The following FAM227A variants were observed in gnomAD, a reference collection of about 807,000 sequenced individuals.
FAM227A encodes protein FAM227A.
A neutral mutation model predicts 74.7 loss-of-function variants in FAM227A; 80 were observed. The ratio of observed to expected loss-of-function variants is 1.07; its 90% CI spans 0.89 to 1.29. The LOEUF is 1.29. FAM227A is among the 50% of genes most tolerant of loss of function. The probability of loss-of-function intolerance (pLI) is 0.00; values close to 1 mark genes in which losing one functional copy is unlikely to be tolerated. For missense variants in FAM227A, 654 were observed against 683.4 expected (o/e 0.96, Z 0.48); for synonymous variants, 237 against 241.8 (o/e 0.98, Z 0.19).
intron 11 of FAM227A, among the ~76,000 whole-genome samples, chr22:38,613,676 T>A (rs1441707559): frequency 1.3e-5 from 2 of 151,620 alleles, no homozygotes; most frequent in African/African-American, 4.9e-5. Context: ...TCTCCAGCTG[T>A]GTTTCTCTAG....
intron 5 of FAM227A, among the ~76,000 whole-genome samples, chr22:38,636,908 T>C (rs1250854812): frequency 1.3e-5 from 2 of 151,760 alleles, no homozygotes; most frequent in Admixed American, 6.6e-5. Context: ...GTAGCTGGGA[T>C]TACAGGTGCC....
intron 8 of FAM227A, among the ~76,000 whole-genome samples, chr22:38,626,602 G>T (rs924429787): frequency 6.6e-6 from 1 of 151,470 alleles, no homozygotes; most frequent in African/African-American, 2.4e-5. Context: ...GGTGGCTCAC[G>T]CCTGTAATCA....
At chr22:38,645,788 T>C in intron 2 of FAM227A, 143 bp from the exon 3 acceptor site, 1 of 594,638 alleles carries the variant, frequency 1.7e-6, no homozygotes, top group Non-Finnish European at 2.9e-6. Flanking sequence ...TTCACATTTC[T>C]TTCTTCCTTT....
intron 3 of FAM227A, among the ~76,000 whole-genome samples, chr22:38,645,049 T>C (rs1173217209): frequency 6.8e-6 from 1 of 146,840 alleles, no homozygotes; most frequent in African/African-American, 2.5e-5. Context: ...ATCGCACCAC[T>C]GCACTCCAGT....
At position 38,582,852 on chromosome 22, in the gene FAM227A, T is replaced by C. The variant is rs1569180512; in HGVS notation, c.*3273A>G. On this transcript the variant is annotated 3_prime_UTR_variant, in exon 17 of 17. Transcript: ENST00000535113. Reference sequence around the variant, plus strand: ...GTTGGAGCATAATGCAGTGGAGCACTTGTGCCTACCTTGCTCCTGGTATAT... The same window carrying C: ...GTTGGAGCATAATGCAGTGGAGCACCTGTGCCTACCTTGCTCCTGGTATAT... The C allele has an allele frequency of 6.5e-7, 1 of 1,550,362 alleles. No individual in the cohort carries two copies. The highest frequency in any genetic ancestry group is 8.7e-7 in the Non-Finnish European group (1 of 1,146,956).
At position 38,582,914 on chromosome 22, in the gene FAM227A, G is replaced by A; in HGVS notation, c.*3211C>T. On this transcript the variant is annotated 3_prime_UTR_variant, in exon 17 of 17. Transcript: ENST00000535113. ...CCCAAGATGAGGGACGTCTAAGCGG[G>A]GTCCTGGAGGAAGAGCAGGAATTAG... The A allele has an allele frequency of 6.4e-7, 1 of 1,550,496 alleles. No individual in the cohort carries two copies. The highest frequency in any genetic ancestry group is 8.7e-7 in the Non-Finnish European group (1 of 1,146,980).
At chr22:38,601,786 A>G (rs2091184204) in intron 13 of FAM227A, among the ~76,000 whole-genome samples, 1 of 152,118 alleles carries the variant, frequency 6.6e-6, no homozygotes, top group African/African-American at 2.4e-5. Context: ...GGTGTGAGAA[A>G]GAGAAGAGTC....
At chr22:38,600,734 G>C (rs752412419) in intron 13 of FAM227A, among the ~76,000 whole-genome samples, 2 of 151,824 alleles carry the variant, frequency 1.3e-5, no homozygotes, top group African/African-American at 4.8e-5. Flanking sequence ...GAAGCAGATC[G>C]CAAGATCAAG....
At chr22:38,605,505 G>T (rs1384833005) in intron 12 of FAM227A, among the ~76,000 whole-genome samples, 157 bp from the exon 13 acceptor site, 1 of 152,134 alleles carries the variant, frequency 6.6e-6, no homozygotes, top group East Asian at 1.9e-4. Flanking sequence ...GACCAAGCTG[G>T]TCTCAAACTC....
rs141387227 is a variant in FAM227A at position 38,645,783 on chromosome 22, ATTTC to A, written c.143-142_143-139del. 3,518 of 601,908 alleles carry A rather than the reference ATTTC, an allele frequency of 5.8e-3. 39 individuals are homozygous for A. The highest frequency in any genetic ancestry group is 0.035 in the African/African-American group (1,808 of 52,344). 37.3% of individuals were successfully genotyped at this position (601,908 alleles called of 1,614,324 possible). ...TTTTCTTTGCATTCAGAGTTTTCAC[ATTTC>A]TTTCTTCCTTTTTTCTGAGACAGGG... On this transcript the variant is annotated intron_variant, in intron 2 of 16. Coordinates refer to ENST00000535113, the MANE Select transcript of FAM227A (RefSeq NM_001013647.2).
intron 16 of FAM227A, among the ~76,000 whole-genome samples, chr22:38,590,086 C>CACAAAACAAA (rs59529052): frequency 0.015 from 2,219 of 146,592 alleles, 38 homozygotes; most frequent in East Asian, 0.078. Flanking sequence ...ATCTCTGCTA[C>CACAAAACAAA]ACAAAACAAA....
intron 6 of FAM227A, among the ~76,000 whole-genome samples, chr22:38,635,982 C>T (rs748439231): frequency 6.9e-6 from 1 of 145,376 alleles, no homozygotes; most frequent in Non-Finnish European, 1.5e-5. Flanking sequence ...AGAGGGAGAC[C>T]CTGTCTCAAA....
chr22:38,640,511 G>A (rs1183331355), intron 3 of FAM227A, among the ~76,000 whole-genome samples: 2 of 152,044 alleles, frequency 1.3e-5, no homozygotes, highest in East Asian at 3.8e-4. Flanking sequence ...CTACGCCCCT[G>A]AAAAGGAAGA....
intron 11 of FAM227A, among the ~76,000 whole-genome samples, chr22:38,613,185 A>T (rs2091470591): frequency 1.2e-4 from 10 of 82,170 alleles, no homozygotes; most frequent in African/African-American, 5.4e-4. Flanking sequence ...TATTATATAT[A>T]ATATATATAT....
chr22:38,605,439 G>A (rs1166398714), intron 12 of FAM227A, 91 bp from the exon 13 acceptor site: 7 of 718,672 alleles, frequency 9.7e-6, no homozygotes, highest in Non-Finnish European at 2.4e-6. Flanking sequence ...ACAGGTGTGT[G>A]CCACCGCACC....
rs192740455 is a variant in FAM227A at position 38,620,268 on chromosome 22, C to T, written c.982G>A (p.Gly328Ser). ...GGCTTCTGGGAGAAGGCTCTCTTAC[C>T]AGCAAACAAAGAAAACTCTCTCCCT... is the stretch of plus-strand genomic sequence containing the variant. ...TKGREFSLFA[G>S]KRAFSQKPAQ... Residue 328 changes from glycine (G) to serine (S), a missense_variant, in exon 11 of 17, where the codon GGT (glycine) becomes AGT (serine). By Grantham distance (56) the Gly-to-Ser change is moderately conservative. Transcript: ENST00000535113. The T allele has an allele frequency of 1.6e-4, 248 of 1,551,332 alleles. No individual in the cohort carries two copies. In the Admixed American group the frequency reaches 1.8e-3, roughly 11 times the overall value.
Position 38,597,486 on chromosome 22 carries a change from G to A in FAM227A, c.1380-130C>T, listed in dbSNP as rs960502100. The A allele has an allele frequency of 1.2e-4, 108 of 885,178 alleles. 1 individual carries two copies. The South Asian group carries it at 1.5e-3, about 12-fold the overall frequency. 54.8% of individuals were successfully genotyped at this position (885,178 alleles called of 1,614,324 possible). A position where few individuals can be genotyped will look rare whatever the true frequency, so the allele number is the denominator to read the frequency against. On this transcript the variant is annotated intron_variant, in intron 14 of 16. Transcript: ENST00000535113. ...AACAGGGAAAATGCCCTGCGTTTCT[G>A]GATAAGATACCTGAAATCTGAGCAA...
At chr22:38,624,589 ATG>A (rs752176522) in intron 9 of FAM227A, among the ~76,000 whole-genome samples, 8 of 152,320 alleles carry the variant, frequency 5.3e-5, no homozygotes, top group Admixed American at 1.3e-4. Context: ...GGTAGAAACT[ATG>A]TGGCTTATGC....
chr22:38,582,219 C>A lies in FAM227A; in HGVS notation c.*3906G>T. 1 of 935,142 alleles carries A rather than the reference C, an allele frequency of 1.1e-6. No individual in the cohort carries two copies. Among genetic ancestry groups the A allele is most frequent in the Non-Finnish European group, 1.6e-6 (1 of 632,904 alleles). 57.9% of individuals were successfully genotyped at this position (935,142 alleles called of 1,614,324 possible). On this transcript the variant is annotated 3_prime_UTR_variant, in exon 17 of 17. Coordinates refer to ENST00000535113, the MANE Select transcript of FAM227A (RefSeq NM_001013647.2). ...CCTCTTTGTAACCCCTTCCAGCTTCCCTCCTATCCCCTCTCCAGCTATCCC... is the reference window on the plus strand; with the variant it reads ...CCTCTTTGTAACCCCTTCCAGCTTCACTCCTATCCCCTCTCCAGCTATCCC...
Sources: allele counts gnomAD v4.1 joint callset (sites outside exome capture counted in the v4.1 genomes callset), GRCh38; gene constraint gnomAD v4.1.1; transcripts MANE v1.5; gene names NCBI Gene and HGNC (gene_info 2026-07-23, HGNC 2026-07-21).